The following TBC1D12 variants were observed in gnomAD, a reference collection of about 807,000 sequenced individuals.
The protein encoded by TBC1D12 is TBC1 domain family, member 12.
In TBC1D12, 56 loss-of-function variants were observed where a neutral mutation model predicts 86.7. That is an observed-to-expected ratio of 0.65 (90% CI 0.52 to 0.81). The LOEUF is 0.81. Among genes scored for constraint, TBC1D12 ranks in the 30% least tolerant of loss-of-function variants. The pLI, the probability that TBC1D12 is intolerant of heterozygous loss-of-function variation, is 0.00. For missense variants in TBC1D12, 1,023 were observed against 1,038.8 expected (o/e 0.98, Z 0.21); for synonymous variants, 421 against 411.7 (o/e 1.02, Z -0.27).
chr10:94,508,057 G>A (rs55968930), intron 7 of TBC1D12, among the ~76,000 whole-genome samples: 1,854 of 152,246 alleles, frequency 0.012, 54 homozygotes, highest in African/African-American at 0.043. Context: ...CTAGTCAGAA[G>A]CAGTGTCTAC....
chr10:94,531,098 T>C, intron 11 of TBC1D12, 104 bp from the exon 12 acceptor site: 3 of 1,328,506 alleles, frequency 2.3e-6, no homozygotes, highest in Non-Finnish European at 3.1e-6. Context: ...TTATTTGCCT[T>C]CTTATCCCTA....
chr10:94,428,327 T>A (rs2055173770), intron 1 of TBC1D12, among the ~76,000 whole-genome samples: 1 of 150,534 alleles, frequency 6.6e-6, no homozygotes, highest in Non-Finnish European at 1.5e-5. Context: ...TCACTGTGTT[T>A]CCCAGGCTGG....
At chr10:94,494,962 A>G (rs2056296148) in intron 4 of TBC1D12, among the ~76,000 whole-genome samples, 1 of 151,874 alleles carries the variant, frequency 6.6e-6, no homozygotes, top group African/African-American at 2.4e-5. Flanking sequence ...CCTGGGCTCA[A>G]GCAATCCTCC....
chr10:94,531,800 TTA>T (rs1433161989), intron 12 of TBC1D12, among the ~76,000 whole-genome samples: 8 of 148,762 alleles, frequency 5.4e-5, no homozygotes, highest in East Asian at 3.9e-4. Flanking sequence ...TTATTTTATT[TTA>T]TGTTATTTTA....
rs142517171 is a variant in TBC1D12 at position 94,463,562 on chromosome 10, C to T, written c.1096-11106C>T. On this transcript the variant is annotated intron_variant, in intron 2 of 12. Coordinates refer to ENST00000225235, the MANE Select transcript of TBC1D12 (RefSeq NM_015188.2). Reference sequence around the variant, plus strand: ...AATTACCTCTTAAAGGCTCCCCCACCCCTGCCCAGTACTATCACACTGGGG... The same window carrying T: ...AATTACCTCTTAAAGGCTCCCCCACTCCTGCCCAGTACTATCACACTGGGG... 1.5e-3 allele frequency among the ~76,000 whole-genome samples: 235 copies of T among 152,338 alleles called. 1 individual carries two copies. Among genetic ancestry groups the T allele is most frequent in the Non-Finnish European group, 2.7e-3 (186 of 68,022 alleles).
At chr10:94,527,921 C>T (rs2134233834) in intron 11 of TBC1D12, among the ~76,000 whole-genome samples, 1 of 152,130 alleles carries the variant, frequency 6.6e-6, no homozygotes, top group South Asian at 2.1e-4. Context: ...TATTCTGTGC[C>T]ATTTTTCTAT....
rs1023052992 is a variant in TBC1D12 at position 94,533,740 on chromosome 10, T to C, written c.*644T>C. 3 of 152,166 alleles carry C rather than the reference T, an allele frequency of 2.0e-5. No individual in the cohort carries two copies. Among genetic ancestry groups the C allele is most frequent in the Non-Finnish European group, 4.4e-5 (3 of 68,004 alleles). The allele number at this position is 152,166 out of a possible 1,614,324, so 9.4% of individuals were successfully genotyped here. On this transcript the variant is annotated 3_prime_UTR_variant, in exon 13 of 13. Coordinates refer to ENST00000225235, the MANE Select transcript of TBC1D12 (RefSeq NM_015188.2). ...TTTTAAGGGAAATTTTTTGTCTTCC[T>C]TAAGGAATTCCTATCACTCAGAGAA... is the stretch of plus-strand genomic sequence containing the variant.
At chr10:94,418,289 G>A (rs1449350689) in intron 1 of TBC1D12, among the ~76,000 whole-genome samples, 1 of 152,112 alleles carries the variant, frequency 6.6e-6, no homozygotes, top group Non-Finnish European at 1.5e-5. Flanking sequence ...ATGTTTAAAG[G>A]AGTAACTACC....
intron 2 of TBC1D12, among the ~76,000 whole-genome samples, chr10:94,463,869 TGAGAG>T (rs2134126328): frequency 6.6e-6 from 1 of 152,322 alleles, no homozygotes; most frequent in South Asian, 2.1e-4. Flanking sequence ...TACCACTAAC[TGAGAG>T]AAGAGTGATA....
At chr10:94,527,952 A>G (rs534615587) in intron 11 of TBC1D12, among the ~76,000 whole-genome samples, 29 of 151,448 alleles carry the variant, frequency 1.9e-4, no homozygotes, top group African/African-American at 6.3e-4. Flanking sequence ...TTATGCCAGT[A>G]CTATTCTGTT....
rs574836856 is a variant in TBC1D12, at chr10:94,529,651, C to T, written c.2001-1551C>T. 3.3e-5 allele frequency among the ~76,000 whole-genome samples: 5 copies of T among 152,136 alleles called. No individual in the cohort carries two copies. In the South Asian group the frequency reaches 1.0e-3, roughly 32 times the overall value. ...ATTATTTTTCAATGTATTCTCTTCCCGTCCCCCAAGAGCATTAGAGTTACT... is the reference window on the plus strand; with the variant it reads ...ATTATTTTTCAATGTATTCTCTTCCTGTCCCCCAAGAGCATTAGAGTTACT... On this transcript the variant is annotated intron_variant, in intron 11 of 12. Coordinates refer to ENST00000225235, the MANE Select transcript of TBC1D12 (RefSeq NM_015188.2).
At chr10:94,469,656 G>A (rs1319886519) in intron 2 of TBC1D12, among the ~76,000 whole-genome samples, 1 of 151,930 alleles carries the variant, frequency 6.6e-6, no homozygotes, top group African/African-American at 2.4e-5. Flanking sequence ...CAGCATGCTG[G>A]CCAGGCTGGT....
chr10:94,409,717 A>T lies in TBC1D12; in HGVS notation c.971+6133A>T, dbSNP rs2054905902. 2.0e-5 allele frequency among the ~76,000 whole-genome samples: 3 copies of T among 152,150 alleles called. No individual in the cohort carries two copies. In the South Asian group the frequency reaches 6.2e-4, roughly 32 times the overall value. ...TACACACTTGTAAGCAAAGCAGACT[A>T]TTATTATAATACTAACTTGGAGTTA... On this transcript the variant is annotated intron_variant, in intron 1 of 12. Transcript: ENST00000225235.
intron 6 of TBC1D12, among the ~76,000 whole-genome samples, chr10:94,504,473 C>T (rs1335363043): frequency 2.6e-5 from 4 of 152,022 alleles, no homozygotes; most frequent in Non-Finnish European, 4.4e-5. Context: ...TTTATTAGTG[C>T]GGAAAAGATG....
intron 1 of TBC1D12, among the ~76,000 whole-genome samples, chr10:94,439,537 G>T (rs536507810): frequency 2.0e-5 from 3 of 152,146 alleles, no homozygotes; most frequent in Non-Finnish European, 4.4e-5. Context: ...GTTCAGCAAG[G>T]CTGCAGGTTT....
intron 2 of TBC1D12, among the ~76,000 whole-genome samples, chr10:94,462,078 A>G (rs142714314): frequency 2.8e-4 from 43 of 152,274 alleles, no homozygotes; most frequent in Admixed American, 3.9e-4. Context: ...TTTTGCTTCT[A>G]TATTCATGAG....
At position 94,493,342 on chromosome 10, in the gene TBC1D12, A is replaced by G. The variant is rs75247803; in HGVS notation, c.1212-23A>G. 4,586 of 1,579,028 alleles carry G rather than the reference A, an allele frequency of 2.9e-3. 205 individuals carry two copies. In the East Asian group the frequency reaches 0.088, roughly 30 times the overall value. ...AGTTAATCTTTTAAAAATTGTCTTGACTTAAGTAATTTTTTTTTCCAGAAA... is the reference window on the plus strand; with the variant it reads ...AGTTAATCTTTTAAAAATTGTCTTGGCTTAAGTAATTTTTTTTTCCAGAAA... On this transcript the variant is annotated intron_variant, in intron 3 of 12. Transcript: ENST00000225235.
chr10:94,488,734 T>C lies in TBC1D12; in HGVS notation c.1212-4631T>C, dbSNP rs541755829. On this transcript the variant is annotated intron_variant, in intron 3 of 12. Transcript: ENST00000225235. ...AGCATGTGATGAATCCTGCCAGGGC[T>C]GGATTCTTTCTTTCAAGGCAGCAGG... Among the ~76,000 whole-genome samples, 275 of 151,994 alleles carry C rather than the reference T, an allele frequency of 1.8e-3. 3 individuals are homozygous for C. The highest frequency in any genetic ancestry group is 1.5e-3 in the Admixed American group (23 of 15,282).
chr10:94,493,406 G>A lies in TBC1D12; in HGVS notation c.1253G>A (p.Arg418Gln), dbSNP rs757453586. The A allele has an allele frequency of 9.3e-6, 15 of 1,612,818 alleles. No homozygotes were observed. Among genetic ancestry groups the A allele is most frequent in the East Asian group, 2.2e-5 (1 of 44,830 alleles). ...TCTGTGGAAGAAGCTTTACGTCACCGACAAGAATACGATGAGATGGTGGCT... is the reference window on the plus strand; with the variant it reads ...TCTGTGGAAGAAGCTTTACGTCACCAACAAGAATACGATGAGATGGTGGCT... The part of the protein sequence containing the change: ...AKSVEEALRH[R>Q]QEYDEMVAEA... The change falls in exon 4 of 13, where the codon CGA becomes CAA. Residue 418 changes from arginine (R) to glutamine (Q), a missense_variant. Around this residue, in one of 2 missense-constraint regions of TBC1D12, gnomAD observed 395 missense variants for 507.7 expected, o/e 0.78. Coordinates refer to ENST00000225235, the MANE Select transcript of TBC1D12 (RefSeq NM_015188.2).
Sources: allele counts gnomAD v4.1 joint callset (sites outside exome capture counted in the v4.1 genomes callset), GRCh38; gene constraint gnomAD v4.1.1; regional missense constraint gnomAD v4.1.1; transcripts MANE v1.5; gene names NCBI Gene and HGNC (gene_info 2026-07-23, HGNC 2026-07-21).